The following HGFAC variants were observed in gnomAD, a reference collection of about 807,000 sequenced individuals.
HGFAC encodes the protein HGF activator.
HGFAC carries 76 observed loss-of-function variants against 70.6 expected under a neutral mutation model. The observed-to-expected ratio is 1.08, with a 90% CI of 0.89 to 1.30. The LOEUF is 1.30. Ranked by LOEUF, HGFAC falls within the 50% of genes most tolerant of loss-of-function variation. HGFAC has a pLI of 0.00. For missense variants in HGFAC, 1,044 were observed against 933.7 expected (o/e 1.12, Z -1.54); for synonymous variants, 464 against 405.3 (o/e 1.14, Z -1.74).
chr4:3,445,735 G>A (rs1725485257), intron 9 of HGFAC: 1 of 823,596 alleles, frequency 1.2e-6, no homozygotes, highest in Non-Finnish European at 1.9e-6. Flanking sequence ...CCAGCCCGGG[G>A]CTCTCATGTG....
At position 3,444,648 on chromosome 4, in the gene HGFAC, C is replaced by A. The variant is rs757467260; in HGVS notation, c.756C>A (p.Asn252Lys). The A allele has an allele frequency of 2.5e-6, 4 of 1,597,346 alleles. No individual in the cohort carries two copies. Among genetic ancestry groups the A allele is most frequent in the Non-Finnish European group, 3.4e-6 (4 of 1,177,964 alleles). ...CTTGTCTGAGCAGCCCTTGCCTGAA[C>A]GGGGGCACCTGCCACCTGATCGTGG... ...HTACLSSPCL[N>K]GGTCHLIVAT... is the part of the protein sequence containing the mutation. Residue 252 changes from asparagine to lysine, a missense_variant, in exon 7 of 14, where the codon AAC becomes AAA. Asn to Lys is a moderately conservative substitution (Grantham distance 94). Coordinates refer to ENST00000382774, the MANE Select transcript of HGFAC (RefSeq NM_001528.4).
At chr4:3,447,361 CT>C in intron 10 of HGFAC, 130 bp from the exon 11 acceptor site, 1 of 975,292 alleles carries the variant, frequency 1.0e-6, no homozygotes, top group Non-Finnish European at 1.5e-6. Flanking sequence ...ACCCAGGCAC[CT>C]GCTCAGACCC....
At position 3,443,373 on chromosome 4, in the gene HGFAC, G is replaced by T; in HGVS notation, c.428G>T (p.Arg143Met). ...CATTHNYDRD[R>M]AWGYCVEATP... Reference sequence around the variant, plus strand: ...ACAACTCACAACTACGACCGGGACAGGGCCTGGGGCTACTGTGTGGAGGCC... The same window carrying T: ...ACAACTCACAACTACGACCGGGACATGGCCTGGGGCTACTGTGTGGAGGCC... Residue 143 changes from arginine (R) to methionine (M), a missense_variant, in exon 4 of 14, where the codon AGG becomes ATG. Transcript: ENST00000382774. 1 of 1,534,464 alleles carries T rather than the reference G, an allele frequency of 6.5e-7. No homozygotes were observed.
At chr4:3,444,761 C>A in intron 7 of HGFAC, 28 bp downstream of exon 7, 2 of 1,577,588 alleles carry the variant, frequency 1.3e-6, no homozygotes, top group Non-Finnish European at 8.6e-7. Flanking sequence ...CCGGGGTGCC[C>A]TGGGGCAGTG....
rs759109703 is a variant in HGFAC, at chr4:3,449,245, A to G, written c.1794A>G (p.Ser598=). The G allele has an allele frequency of 3.7e-6, 6 of 1,611,286 alleles. No individual in the cohort carries two copies. Among genetic ancestry groups the G allele is most frequent in the Non-Finnish European group, 5.1e-6 (6 of 1,179,222 alleles). ...CCAACGTCTCTGCCCAGGGGGACTCAGGGGGGCCCCTGGCCTGCGAGAAGA... is the reference window on the plus strand; with the variant it reads ...CCAACGTCTCTGCCCAGGGGGACTCGGGGGGGCCCCTGGCCTGCGAGAAGA... The part of the protein sequence containing the change: ...DCKSDACQGD[S]GGPLACEKNG... Residue 598 remains serine (S), a synonymous_variant, in exon 14 of 14, where the codon TCA becomes TCG. Coordinates refer to ENST00000382774, the MANE Select transcript of HGFAC (RefSeq NM_001528.4).
In HGFAC at chr4:3,447,618, C is replaced by A. The variant is rs762506806; in HGVS notation, c.1482C>A (p.Ser494Arg). ...CCCTGTACTCGGTGTTCAACCCCAG[C>A]GACCACGACCTCGGTGAGCTCCGGC... ...PYTLYSVFNPSDHDLVLIRLK... is the reference protein window; with the variant it reads ...PYTLYSVFNPRDHDLVLIRLK... The change falls in exon 11 of 14, where the codon AGC becomes AGA. Residue 494 changes from serine (S) to arginine (R), a missense_variant. Transcript: ENST00000382774. 6 of 1,612,510 alleles carry A rather than the reference C, an allele frequency of 3.7e-6. No homozygotes were observed. In the South Asian group the frequency reaches 5.5e-5, roughly 15 times the overall value.
At chr4:3,445,493 C>A (rs767012622) in intron 9 of HGFAC, 143 bp downstream of exon 9, 17 of 685,524 alleles carry the variant, frequency 2.5e-5, no homozygotes, top group Non-Finnish European at 4.1e-5. Context: ...CAGGCTGGTC[C>A]AAGGTCACGC....
At position 3,446,314 on chromosome 4, in the gene HGFAC, C is replaced by T; in HGVS notation, c.1355+20C>T. On this transcript the variant is annotated intron_variant, in intron 10 of 13. Coordinates refer to ENST00000382774, the MANE Select transcript of HGFAC (RefSeq NM_001528.4). Reference sequence around the variant, plus strand: ...CCACAGGTGCACCTCCTCTGGGCCCCAGTCACCTGCCCTGAGGCCCCACAC... The same window carrying T: ...CCACAGGTGCACCTCCTCTGGGCCCTAGTCACCTGCCCTGAGGCCCCACAC... The T allele has an allele frequency of 6.3e-7, 1 of 1,596,014 alleles. No individual in the cohort carries two copies.
Position 3,442,919 on chromosome 4 carries a change from C to A in HGFAC, c.298+7C>A. 1 of 1,562,288 alleles carries A rather than the reference C, an allele frequency of 6.4e-7. No homozygotes were observed. The highest frequency in any genetic ancestry group is 8.7e-7 in the Non-Finnish European group (1 of 1,154,990). On this transcript the variant is annotated splice_region_variant and intron_variant, in intron 2 of 13. Transcript: ENST00000382774. ...AGTAGCCCCCAGGCCCAAGGTGGGT[C>A]AGGTGGGCCTGGGAGGAGGTGTCGT...
At position 3,444,102 on chromosome 4, in the gene HGFAC, A is replaced by G. The variant is rs1433642408; in HGVS notation, c.539A>G (p.Asp180Gly). The G allele has an allele frequency of 6.2e-7, 1 of 1,611,804 alleles. No individual in the cohort carries two copies. The highest frequency in any genetic ancestry group is 8.5e-7 in the Non-Finnish European group (1 of 1,179,564). Reference protein sequence around the residue: ...LNGGSCSNTQDPQSYHCSCPR... With the variant: ...LNGGSCSNTQGPQSYHCSCPR... The stretch of plus-strand genomic sequence containing the variant: ...GGAGGCTCCTGCTCCAATACCCAGG[A>G]CCCCCAGTCCTATCACTGCAGCTGC... Residue 180 changes from aspartate (D) to glycine (G), a missense_variant, in exon 5 of 14, where the codon GAC becomes GGC. By Grantham distance (94) the Asp-to-Gly change is moderately conservative. Transcript: ENST00000382774.
At chr4:3,444,587 G>A (rs747667158) in intron 6 of HGFAC, 36 bp from the exon 7 acceptor site, 15 of 1,546,598 alleles carry the variant, frequency 9.7e-6, no homozygotes, top group Middle Eastern at 2.1e-4. Flanking sequence ...GGGGCACTGC[G>A]CGGCCCCTGG....
chr4:3,444,484 G>A, intron 6 of HGFAC, 42 bp downstream of exon 6: 4 of 1,550,544 alleles, frequency 2.6e-6, no homozygotes, highest in East Asian at 2.3e-5. Flanking sequence ...CCCCTGACGG[G>A]TGTCCCTGTC....
intron 1 of HGFAC, 107 bp downstream of exon 1, chr4:3,442,225 G>T: frequency 1.2e-6 from 1 of 843,558 alleles, no homozygotes; most frequent in South Asian, 1.7e-5. Flanking sequence ...GGATTTGAGG[G>T]GGCGGGGGTC....
chr4:3,444,464 G>T (rs377488836), intron 6 of HGFAC, 22 bp downstream of exon 6: 3 of 1,570,134 alleles, frequency 1.9e-6, no homozygotes, highest in African/African-American at 1.3e-5. Flanking sequence ...GGTGTGAGCC[G>T]TGCCACTGAC....
In HGFAC at chr4:3,443,877, G is replaced by A. The variant is rs549192110; in HGVS notation, c.476-162G>A. The stretch of plus-strand genomic sequence containing the variant: ...ACGCTGGGAGGAAGGGGAGGTCTGT[G>A]CCCCTCCCAGGGACCTTGCACCCCG... On this transcript the variant is annotated intron_variant, in intron 4 of 13. Transcript: ENST00000382774. 4.6e-5 allele frequency among the ~76,000 whole-genome samples: 7 copies of A among 152,128 alleles called. No individual in the cohort carries two copies. The South Asian group carries it at 6.2e-4, about 14-fold the overall frequency.
rs778308278 is a variant in HGFAC at position 3,442,037 on chromosome 4, C to G, written c.36C>G (p.Pro12=). 2 of 1,526,454 alleles carry G rather than the reference C, an allele frequency of 1.3e-6. No homozygotes were observed. Among genetic ancestry groups the G allele is most frequent in the Non-Finnish European group, 8.7e-7 (1 of 1,153,786 alleles). The allele number at this position is 1,526,454 out of a possible 1,614,324, so 94.6% of individuals were successfully genotyped here. A position where few individuals can be genotyped will look rare whatever the true frequency, so the allele number is the denominator to read the frequency against. Residue 12 remains proline, a synonymous_variant, in exon 1 of 14, where the codon CCC becomes CCG. Coordinates refer to ENST00000382774, the MANE Select transcript of HGFAC (RefSeq NM_001528.4). ...GRWAWVPSPW[P]PPGLGPFLLL... ...GGGCCTGGGTCCCCAGCCCCTGGCC[C>G]CCACCGGGGCTGGGCCCCTTCCTCC...
At chr4:3,447,264 G>A (rs974976997) in intron 10 of HGFAC, among the ~76,000 whole-genome samples, 7 of 152,144 alleles carry the variant, frequency 4.6e-5, no homozygotes, top group Admixed American at 1.3e-4. Flanking sequence ...GGATGGCACC[G>A]CACTTCAGCT....
At chr4:3,441,074 C>A (rs989892762), upstream of HGFAC, among the ~76,000 whole-genome samples, 1 of 152,124 alleles carries the variant, frequency 6.6e-6, no homozygotes. The surrounding 1 kb of genome is among the most constrained non-coding windows in gnomAD (Gnocchi z 6.0). Flanking sequence ...CAGGAGGAAC[C>A]CGAGGTGCCG....
chr4:3,445,662 C>G (rs1725483546), intron 9 of HGFAC: 4 of 606,848 alleles, frequency 6.6e-6, no homozygotes, highest in Non-Finnish European at 1.2e-5. Context: ...TGCAGGCCCC[C>G]CAGAGGCCAC....
Sources: allele counts gnomAD v4.1 joint callset (sites outside exome capture counted in the v4.1 genomes callset), GRCh38; gene constraint gnomAD v4.1.1; non-coding constraint Gnocchi (gnomAD v3.1); transcripts MANE v1.5; gene names NCBI Gene and HGNC (gene_info 2026-07-23, HGNC 2026-07-21).